The following ARHGAP22 variants were observed in gnomAD, a reference collection of about 807,000 sequenced individuals.
ARHGAP22 encodes the protein Rho GTPase activating protein 22.
A neutral mutation model predicts 59.1 loss-of-function variants in ARHGAP22; 48 were observed. The ratio of observed to expected loss-of-function variants is 0.81; its 90% confidence interval spans 0.64 to 1.03. The LOEUF (loss-of-function observed/expected upper bound fraction) is 1.03, where lower values mean the gene tolerates loss of function less well. ARHGAP22 is among the 50% of genes least tolerant of loss of function. The probability of loss-of-function intolerance (pLI) is 0.00; values close to 1 mark genes in which losing one functional copy is unlikely to be tolerated. For missense variants in ARHGAP22, 1,015 were observed against 958.7 expected, an observed-to-expected ratio of 1.06 and a Z score of -0.78; for synonymous variants, 445 against 416.4, an observed-to-expected ratio of 1.07 and a Z score of -0.84.
intron 2 of ARHGAP22, among the ~76,000 whole-genome samples, chr10:48,576,912 C>G (rs541162710): frequency 3.4e-5 from 5 of 146,910 alleles, no homozygotes; most frequent in African/African-American, 1.3e-4. Context: ...TCCCTCCCCA[C>G]ACCGCCACCC....
chr10:48,653,412 C>T (rs912743208), upstream of ARHGAP22, among the ~76,000 whole-genome samples: 15 of 152,192 alleles, frequency 9.9e-5, no homozygotes, highest in East Asian at 1.7e-3. Context: ...TGCGGGACAG[C>T]GCTTAGTGGG....
intron 2 of ARHGAP22, among the ~76,000 whole-genome samples, chr10:48,579,117 C>G (rs1240063597): frequency 6.8e-6 from 1 of 147,858 alleles, no homozygotes; most frequent in Non-Finnish European, 1.5e-5. Flanking sequence ...TTTTTCCTTT[C>G]CCCCATTTTG....
intron 3 of ARHGAP22, among the ~76,000 whole-genome samples, chr10:48,506,275 A>AG (rs11415388): frequency 2.1e-5 from 2 of 97,336 alleles, no homozygotes; most frequent in East Asian, 1.1e-3. Context: ...GAGTGTGCTC[A>AG]CACAAACCTA....
chr10:48,481,020 C>T lies in ARHGAP22; in HGVS notation c.323-1256G>A, dbSNP rs145324213. On this transcript the variant is annotated intron_variant, in intron 3 of 9. Coordinates refer to ENST00000249601, the MANE Select transcript of ARHGAP22 (RefSeq NM_021226.4). ...CAGGGGGAGAGGCCGTGGGGCCCAACGCTCAGGAGGGTGAGGAGCAGCCAG... is the reference window on the plus strand; with the variant it reads ...CAGGGGGAGAGGCCGTGGGGCCCAATGCTCAGGAGGGTGAGGAGCAGCCAG... Among the ~76,000 whole-genome samples, 1,224 of 152,348 alleles carry T rather than the reference C, an allele frequency of 8.0e-3. 9 individuals are homozygous for T. Among genetic ancestry groups the T allele is most frequent in the Middle Eastern group, 0.01 (3 of 294 alleles).
chr10:48,651,669 G>A (rs571826154), intron 1 of ARHGAP22, among the ~76,000 whole-genome samples: 1 of 152,212 alleles, frequency 6.6e-6, no homozygotes, highest in East Asian at 1.9e-4. Context: ...CACCCAGCGA[G>A]CACCTGCCTG....
chr10:48,580,462 C>T (rs564252200), intron 2 of ARHGAP22, among the ~76,000 whole-genome samples: 1 of 152,268 alleles, frequency 6.6e-6, no homozygotes, highest in South Asian at 2.1e-4. Context: ...CCTGGGTGGC[C>T]TCAGGGTCAT....
chr10:48,479,263 A>G (rs568356377), intron 4 of ARHGAP22: 7 of 287,832 alleles, frequency 2.4e-5, no homozygotes, highest in Non-Finnish European at 3.9e-5. Context: ...ACTGAGCTTC[A>G]ATGGCTTTGT....
chr10:48,589,035 C>T (rs146961884), intron 1 of ARHGAP22, among the ~76,000 whole-genome samples: 8 of 152,248 alleles, frequency 5.3e-5, no homozygotes, highest in African/African-American at 1.4e-4. Flanking sequence ...CTGCGTGTGC[C>T]GAGGGGCCGC....
At chr10:48,519,185 C>T (rs2053577763) in intron 3 of ARHGAP22, among the ~76,000 whole-genome samples, 1 of 152,214 alleles carries the variant, frequency 6.6e-6, no homozygotes, top group Non-Finnish European at 1.5e-5. Flanking sequence ...AACAGCAGAA[C>T]CGGTCCTATC....
chr10:48,441,121 G>A (rs1200081205), downstream of ARHGAP22, among the ~76,000 whole-genome samples: 3 of 152,186 alleles, frequency 2.0e-5, no homozygotes, highest in Non-Finnish European at 4.4e-5. Context: ...GGAACAATTG[G>A]TTTGCTCCCT....
At chr10:48,445,647 C>T (rs1049516313), downstream of ARHGAP22, 1 of 152,492 alleles carries the variant, frequency 6.6e-6, no homozygotes, top group African/African-American at 2.4e-5. Context: ...TGGCTCAGCC[C>T]TCCTGTAGAG....
exon 1 of ARHGAP22, chr10:48,652,306 C>T: frequency 6.5e-7 from 1 of 1,534,978 alleles, no homozygotes; most frequent in Non-Finnish European, 8.7e-7. Context: ...GCAGTCTGTG[C>T]AAATTTCTTC....
At chr10:48,583,517 A>C (rs986018932) in intron 1 of ARHGAP22, among the ~76,000 whole-genome samples, 1 of 152,116 alleles carries the variant, frequency 6.6e-6, no homozygotes, top group African/African-American at 2.4e-5. Flanking sequence ...CCACCTGTTC[A>C]TTTGTTCAAC....
upstream of ARHGAP22, among the ~76,000 whole-genome samples, chr10:48,605,977 A>C (rs2060655686): frequency 6.6e-6 from 1 of 152,142 alleles, no homozygotes. Context: ...GCATGGTAAC[A>C]GCTCCTGGCT....
rs1322169449 is a variant in ARHGAP22, at chr10:48,530,456, G to T, written c.322+25007C>A. 5.9e-5 allele frequency among the ~76,000 whole-genome samples: 9 copies of T among 152,274 alleles called. No individual in the cohort carries two copies. The South Asian group carries it at 1.5e-3, about 25-fold the overall frequency. On this transcript the variant is annotated intron_variant, in intron 3 of 9. Transcript: ENST00000249601. ...ACTAAAATGCTTCTGTATAGCAAAA[G>T]AAACAATCAGCAGAGCAAACAGACA...
chr10:48,562,894 G>C (rs1276083888), intron 2 of ARHGAP22, among the ~76,000 whole-genome samples: 2 of 152,136 alleles, frequency 1.3e-5, no homozygotes, highest in East Asian at 3.8e-4. Context: ...TAAAAATGTA[G>C]CGGCTCAAAA....
At chr10:48,530,843 C>T (rs1310969003) in intron 3 of ARHGAP22, among the ~76,000 whole-genome samples, 1 of 151,144 alleles carries the variant, frequency 6.6e-6, no homozygotes, top group Admixed American at 6.6e-5. Flanking sequence ...AATACAAAAC[C>T]ACTATGGAAA....
At chr10:48,569,851 G>A (rs1179872781) in intron 2 of ARHGAP22, among the ~76,000 whole-genome samples, 4 of 152,210 alleles carry the variant, frequency 2.6e-5, no homozygotes, top group African/African-American at 9.6e-5. Flanking sequence ...ATTTGGTCTT[G>A]AGGTGTCATC....
intron 4 of ARHGAP22, among the ~76,000 whole-genome samples, chr10:48,473,346 C>T (rs1487467519): frequency 6.6e-6 from 1 of 152,132 alleles, no homozygotes; most frequent in Non-Finnish European, 1.5e-5. Flanking sequence ...GGGAGAAAGC[C>T]AGAGTTTCAG....
Sources: gnomAD v4.1 joint callset for allele counts (sites outside exome capture counted in the v4.1 genomes callset) on GRCh38, gnomAD v4.1.1 for gene constraint, MANE v1.5 for transcripts, NCBI Gene and HGNC (gene_info 2026-07-23, HGNC 2026-07-21) for gene names.